The following WDFY3 variants were observed in gnomAD, a reference collection of about 807,000 sequenced individuals.
The protein encoded by WDFY3 is WD repeat and FYVE domain-containing protein 3.
In WDFY3, 66 loss-of-function variants were observed where a neutral mutation model predicts 409.6. The ratio of observed to expected loss-of-function variants is 0.16; its 90% CI spans 0.13 to 0.20. The LOEUF is 0.20. Ranked by LOEUF, WDFY3 falls within the 10% of genes least tolerant of loss-of-function variation. The pLI is 1.00. For missense variants in WDFY3, 3,031 were observed against 4,298.1 expected (o/e 0.71, Z 8.24); for synonymous variants, 1,521 against 1,537.1 (o/e 0.99, Z 0.25).
intron 37 of WDFY3, among the ~76,000 whole-genome samples, chr4:84,742,165 G>C (rs1404880004): frequency 6.6e-6 from 1 of 152,196 alleles, no homozygotes; most frequent in Non-Finnish European, 1.5e-5. Flanking sequence ...ATTGCCTAAA[G>C]AGAGTCTGTG....
At chr4:84,791,106 G>A (rs553947518) in intron 21 of WDFY3, among the ~76,000 whole-genome samples, 8 of 152,194 alleles carry the variant, frequency 5.3e-5, no homozygotes, top group African/African-American at 1.9e-4. Flanking sequence ...TACCATATCT[G>A]GGCACTTATC....
In WDFY3 at chr4:84,803,308, C is replaced by T; in HGVS notation, c.2589G>A (p.Gly863=). The part of the protein sequence containing the change: ...LAMLDLLASV[G]SVTQPEHALD... Reference sequence around the variant, plus strand: ...AGCTTACTTCTGGCTGTGTCACTGACCCAACAGAGGCCAGTAGGTCCAGCA... The same window carrying T: ...AGCTTACTTCTGGCTGTGTCACTGATCCAACAGAGGCCAGTAGGTCCAGCA... The change falls in exon 16 of 68, where the codon GGG becomes GGA. Residue 863 remains glycine (G), a synonymous_variant. Coordinates refer to ENST00000295888, the MANE Select transcript of WDFY3 (RefSeq NM_014991.6). 1 of 1,609,858 alleles carries T rather than the reference C, an allele frequency of 6.2e-7. No homozygotes were observed. The highest frequency in any genetic ancestry group is 8.5e-7 in the Non-Finnish European group (1 of 1,178,648).
intron 4 of WDFY3, among the ~76,000 whole-genome samples, chr4:84,856,185 T>C (rs1049643869): frequency 6.6e-6 from 1 of 152,304 alleles, no homozygotes; most frequent in Middle Eastern, 3.4e-3. Context: ...AGTCAACAAA[T>C]TAAAAAGTAA....
intron 36 of WDFY3, among the ~76,000 whole-genome samples, chr4:84,749,342 G>A (rs1260955938): frequency 6.6e-6 from 1 of 152,070 alleles, no homozygotes. Context: ...TTCTGCATAT[G>A]TATATTAAAG....
intron 3 of WDFY3, among the ~76,000 whole-genome samples, chr4:84,886,689 G>A (rs1764279997): frequency 6.6e-6 from 1 of 152,074 alleles, no homozygotes. Context: ...GAGGGAACTG[G>A]TTTTTCAATA....
intron 10 of WDFY3, among the ~76,000 whole-genome samples, chr4:84,825,539 T>C (rs1754736184): frequency 6.6e-6 from 1 of 151,920 alleles, no homozygotes; most frequent in Non-Finnish European, 1.5e-5. Flanking sequence ...GTAAATAAAA[T>C]GAAACCTTAA....
At position 84,682,757 on chromosome 4, in the gene WDFY3, G is replaced by A. The variant is rs141682201; in HGVS notation, c.9727-287C>T. 1,179 of 317,666 alleles carry A rather than the reference G, an allele frequency of 3.7e-3. 20 individuals are homozygous for A. The highest frequency in any genetic ancestry group is 0.01 in the Admixed American group (229 of 22,228). 19.7% of individuals were successfully genotyped at this position (317,666 alleles called of 1,614,324 possible). A position where few individuals can be genotyped will look rare whatever the true frequency, so the allele number is the denominator to read the frequency against. The stretch of plus-strand genomic sequence containing the variant: ...AGCACTTTGGGAAGCCAAGATGGGC[G>A]GATCATTTGAGGTCAGGAGTTTGAG... On this transcript the variant is annotated intron_variant, in intron 63 of 67. Coordinates refer to ENST00000295888, the MANE Select transcript of WDFY3 (RefSeq NM_014991.6).
chr4:84,769,500 C>T (rs913535011), intron 30 of WDFY3, among the ~76,000 whole-genome samples: 7 of 151,670 alleles, frequency 4.6e-5, no homozygotes, highest in Admixed American at 1.3e-4. Flanking sequence ...CTGCAAGCTC[C>T]GCCTCCTGGG....
At chr4:84,812,240 T>G (rs1005040155) in intron 13 of WDFY3, among the ~76,000 whole-genome samples, 1 of 152,198 alleles carries the variant, frequency 6.6e-6, no homozygotes, top group African/African-American at 2.4e-5. Context: ...CATTTTAGTA[T>G]CTGGTAACAA....
At chr4:84,715,076 A>G (rs530302964) in intron 50 of WDFY3, among the ~76,000 whole-genome samples, 2 of 152,330 alleles carry the variant, frequency 1.3e-5, no homozygotes, top group African/African-American at 4.8e-5. Context: ...GATCTCTACT[A>G]TAAGTTACCA....
intron 40 of WDFY3, 94 bp from the exon 41 acceptor site, chr4:84,737,460 G>T (rs771766434): frequency 1.4e-5 from 19 of 1,358,810 alleles, no homozygotes; most frequent in Non-Finnish European, 1.6e-5. Flanking sequence ...TTTACATGTG[G>T]GAATTTCGAC....
chr4:84,870,539 G>A (rs981268339), intron 3 of WDFY3, among the ~76,000 whole-genome samples: 3 of 152,130 alleles, frequency 2.0e-5, no homozygotes, highest in African/African-American at 7.2e-5. Flanking sequence ...TTCAAGATCT[G>A]AGAAAGATCC....
At chr4:84,678,058 G>A (rs1036374788) in intron 66 of WDFY3, 110 bp downstream of exon 66, 5 of 696,144 alleles carry the variant, frequency 7.2e-6, no homozygotes, top group East Asian at 2.9e-5. Flanking sequence ...AGCTACATAC[G>A]ATAATACAAA....
In WDFY3 at chr4:84,708,974, T is replaced by G; in HGVS notation, c.8152A>C (p.Arg2718=). The change falls in exon 53 of 68, where the codon AGA becomes CGA. Residue 2718 remains arginine (R), a synonymous_variant. Coordinates refer to ENST00000295888, the MANE Select transcript of WDFY3 (RefSeq NM_014991.6). The part of the protein sequence containing the change: ...YLMHLNTLAG[R]SYNDLMQYPV... ...TACTGCATGAGATCATTATATGATC[T>G]GCCAGCCAAAGTGTTCAAATGCATC... 1 of 1,614,156 alleles carries G rather than the reference T, an allele frequency of 6.2e-7. No homozygotes were observed. Among genetic ancestry groups the G allele is most frequent in the South Asian group, 1.1e-5 (1 of 91,080 alleles).
At chr4:84,867,967 A>G (rs1454503545) in intron 3 of WDFY3, among the ~76,000 whole-genome samples, 3 of 151,872 alleles carry the variant, frequency 2.0e-5, no homozygotes, top group Non-Finnish European at 4.4e-5. Flanking sequence ...TCAAGAGATC[A>G]AGATCATCCT....
intron 2 of WDFY3, among the ~76,000 whole-genome samples, chr4:84,913,231 T>C (rs539565990): frequency 3.9e-5 from 6 of 152,216 alleles, no homozygotes; most frequent in African/African-American, 1.2e-4. Context: ...TGCCAACCTA[T>C]TGAAGAGAAC....
intron 13 of WDFY3, among the ~76,000 whole-genome samples, chr4:84,816,532 T>C (rs577003214): frequency 2.6e-4 from 40 of 152,274 alleles, no homozygotes; most frequent in African/African-American, 9.6e-4. Flanking sequence ...ACAACAGTAC[T>C]AATAGAAAGC....
chr4:84,836,404 A>G (rs1014765520), intron 7 of WDFY3, among the ~76,000 whole-genome samples: 1 of 152,152 alleles, frequency 6.6e-6, no homozygotes, highest in Non-Finnish European at 1.5e-5. Flanking sequence ...GCTAGCTAAT[A>G]AAGGTCTATC....
chr4:84,710,019 G>C (rs1250714991), intron 51 of WDFY3, among the ~76,000 whole-genome samples: 1 of 152,116 alleles, frequency 6.6e-6, no homozygotes, highest in African/African-American at 2.4e-5. Context: ...ACAGTGCTTG[G>C]CCTTCTTTTT....
Sources: gnomAD v4.1 joint callset for allele counts (sites outside exome capture counted in the v4.1 genomes callset) on GRCh38, gnomAD v4.1.1 for gene constraint, MANE v1.5 for transcripts, NCBI Gene and HGNC (gene_info 2026-07-23, HGNC 2026-07-21) for gene names.